Variants in NLGN1 observed in about 807,000 individuals in gnomAD.
NLGN1 encodes neuroligin-1.
Under a neutral mutation model 65.5 loss-of-function variants are expected in NLGN1, and 12 were observed. The observed-to-expected ratio is 0.18, with a 90% CI of 0.12 to 0.30. NLGN1 has a LOEUF of 0.30. Among genes scored for constraint, NLGN1 ranks in the 10% least tolerant of loss-of-function variants. The pLI, the probability that NLGN1 is intolerant of heterozygous loss-of-function variation, is 1.00. For synonymous variants in NLGN1, 350 were observed against 359.5 expected (o/e 0.97, Z 0.30); for missense variants, 750 against 1,007.1 (o/e 0.74, Z 3.46).
intron 3 of NLGN1, among the ~76,000 whole-genome samples, chr3:173,740,359 A>G (rs1774460579): frequency 6.6e-6 from 1 of 152,122 alleles, no homozygotes; most frequent in Non-Finnish European, 1.5e-5. Flanking sequence ...TTAACACTGG[A>G]TTCCTACATT....
chr3:173,428,324 G>C (rs1716527349), intron 1 of NLGN1, among the ~76,000 whole-genome samples: 1 of 151,418 alleles, frequency 6.6e-6, no homozygotes, highest in Non-Finnish European at 1.5e-5. Context: ...TTTTGTTTCT[G>C]ATTTTCTGGT....
chr3:173,398,099 G>C (rs535422044), upstream of NLGN1: 2 of 152,220 alleles, frequency 1.3e-5, no homozygotes, highest in Non-Finnish European at 2.9e-5. Flanking sequence ...ACGAGAAAGC[G>C]GGGAGGGTTT....
chr3:173,510,548 T>G (rs1359882145), intron 2 of NLGN1, among the ~76,000 whole-genome samples: 1 of 152,224 alleles, frequency 6.6e-6, no homozygotes, highest in Non-Finnish European at 1.5e-5. Context: ...AAAAATTGTT[T>G]TATTGCCCAG....
chr3:173,747,958 G>T (rs34830424), intron 3 of NLGN1, among the ~76,000 whole-genome samples: 34,544 of 150,526 alleles, frequency 0.23, 4,053 homozygotes, highest in Admixed American at 0.26. Flanking sequence ...GGATTATGGG[G>T]GTGCCCCACC....
chr3:173,539,662 T>C (rs62645829), intron 2 of NLGN1, among the ~76,000 whole-genome samples: 2,442 of 116,034 alleles, frequency 0.021, 70 homozygotes, highest in East Asian at 0.034. Context: ...CATATGTGTA[T>C]ATATGCACAT....
intron 4 of NLGN1, among the ~76,000 whole-genome samples, chr3:174,244,352 G>A (rs1442050616): frequency 6.6e-6 from 1 of 152,114 alleles, no homozygotes; most frequent in Non-Finnish European, 1.5e-5. Context: ...CATGATGCTT[G>A]TTATCTACTA....
chr3:174,005,596 T>A (rs1418891707), intron 4 of NLGN1, among the ~76,000 whole-genome samples: 1 of 152,168 alleles, frequency 6.6e-6, no homozygotes, highest in African/African-American at 2.4e-5. Flanking sequence ...GCTGCATCTG[T>A]GCTGATCTCA....
intron 4 of NLGN1, among the ~76,000 whole-genome samples, chr3:174,224,336 C>T (rs921701350): frequency 2.0e-5 from 3 of 152,140 alleles, no homozygotes; most frequent in African/African-American, 7.2e-5. Flanking sequence ...GCAATTTCAA[C>T]ATCTCAAAAA....
At chr3:174,250,920 T>C (rs916054328) in intron 4 of NLGN1, among the ~76,000 whole-genome samples, 2 of 152,158 alleles carry the variant, frequency 1.3e-5, no homozygotes, top group African/African-American at 4.8e-5. Context: ...TGTTTTGTTT[T>C]ACTGTTGAGC....
At chr3:174,257,086 G>C (rs115906014) in intron 4 of NLGN1, among the ~76,000 whole-genome samples, 2,719 of 152,208 alleles carry the variant, frequency 0.018, 59 homozygotes, top group African/African-American at 0.042. Flanking sequence ...TCATTAAAAA[G>C]TAGGCAAAAG....
chr3:173,852,397 T>A (rs66532718), intron 4 of NLGN1, among the ~76,000 whole-genome samples: 82,222 of 140,478 alleles, frequency 0.59, 26,327 homozygotes, highest in Non-Finnish European at 0.74. Flanking sequence ...AAGTAAGTGG[T>A]TATTTAGATT....
chr3:173,485,116 CAAAA>C (rs58463042), intron 2 of NLGN1, among the ~76,000 whole-genome samples: 3 of 52,892 alleles, frequency 5.7e-5, no homozygotes, highest in Admixed American at 2.5e-4. Context: ...TGGCAGCAGG[CAAAA>C]AAAAAAAAAA....
At chr3:173,655,566 T>C (rs1453757980) in intron 3 of NLGN1, among the ~76,000 whole-genome samples, 1 of 151,912 alleles carries the variant, frequency 6.6e-6, no homozygotes, top group African/African-American at 2.4e-5. Context: ...AAGAATGATG[T>C]TTTGAAAAAA....
At chr3:174,200,317 C>G (rs1734199291) in intron 4 of NLGN1, among the ~76,000 whole-genome samples, 1 of 152,146 alleles carries the variant, frequency 6.6e-6, no homozygotes, top group Non-Finnish European at 1.5e-5. Flanking sequence ...ATTAGCTATT[C>G]AACTTCTAAG....
intron 4 of NLGN1, among the ~76,000 whole-genome samples, chr3:174,133,082 G>C (rs1720514715): frequency 6.6e-6 from 1 of 152,150 alleles, no homozygotes; most frequent in African/African-American, 2.4e-5. Context: ...TTTGGTTCTT[G>C]TTCCTTCTAT....
chr3:173,763,669 A>G (rs1778338516), intron 3 of NLGN1, among the ~76,000 whole-genome samples: 1 of 151,986 alleles, frequency 6.6e-6, no homozygotes, highest in Admixed American at 6.6e-5. Context: ...TATGCCTTCA[A>G]CTCTCCAGCA....
intron 3 of NLGN1, among the ~76,000 whole-genome samples, chr3:173,625,001 G>A (rs1449329041): frequency 6.6e-6 from 1 of 152,034 alleles, no homozygotes; most frequent in East Asian, 1.9e-4. Context: ...GACAGATGTG[G>A]AGAATGAGTG....
chr3:174,234,458 T>G (rs77564377), intron 4 of NLGN1, among the ~76,000 whole-genome samples: 1 of 152,340 alleles, frequency 6.6e-6, no homozygotes, highest in East Asian at 1.9e-4. Flanking sequence ...TGAGGCGTTC[T>G]TTCCTTACCA....
chr3:174,187,991 T>C lies in NLGN1; in HGVS notation c.647-87324T>C, dbSNP rs553360014. On this transcript the variant is annotated intron_variant, in intron 4 of 6. Transcript: ENST00000457714. ...TTTATTGAATGAATCAATCAACATA[T>C]TTTGCATGAATATGTTCTAGTGCTT... Among the ~76,000 whole-genome samples, 87 of 152,132 alleles carry C rather than the reference T, an allele frequency of 5.7e-4. 1 individual carries two copies. Among genetic ancestry groups the C allele is most frequent in the Middle Eastern group, 3.4e-3 (1 of 294 alleles).
Sources: allele counts gnomAD v4.1 joint callset (sites outside exome capture counted in the v4.1 genomes callset), GRCh38; gene constraint gnomAD v4.1.1; transcripts MANE v1.5; gene names NCBI Gene and HGNC (gene_info 2026-07-23, HGNC 2026-07-21).